The following ADAMTS20 variants were observed in gnomAD, a reference collection of about 807,000 sequenced individuals.
ADAMTS20 encodes the protein A disintegrin and metalloproteinase with thrombospondin motifs 20.
ADAMTS20 carries 225 observed loss-of-function variants against 260.1 expected under a neutral mutation model. The observed-to-expected ratio is 0.87, with a 90% CI of 0.78 to 0.97. ADAMTS20 has a LOEUF of 0.97. Among genes scored for constraint, ADAMTS20 ranks in the 50% least tolerant of loss-of-function variants. The pLI is 0.00. For synonymous variants in ADAMTS20, 802 were observed against 769.5 expected, an observed-to-expected ratio of 1.04 and a Z score of -0.70; for missense variants, 2,400 against 2,337.7, an observed-to-expected ratio of 1.03 and a Z score of -0.55.
At chr12:43,436,420 T>C (rs1941555999) in intron 18 of ADAMTS20, among the ~76,000 whole-genome samples, 1 of 152,150 alleles carries the variant, frequency 6.6e-6, no homozygotes, top group Non-Finnish European at 1.5e-5. Flanking sequence ...CTTTATATTT[T>C]CTAGTAGTCA....
chr12:43,515,572 T>A (rs1325824016), intron 3 of ADAMTS20, among the ~76,000 whole-genome samples: 1 of 152,208 alleles, frequency 6.6e-6, no homozygotes, highest in Non-Finnish European at 1.5e-5. Flanking sequence ...TAACCTTTTA[T>A]ATTTCCTTAA....
chr12:43,375,861 A>G (rs1001975494), intron 35 of ADAMTS20, among the ~76,000 whole-genome samples, 196 bp downstream of exon 35: 1 of 152,252 alleles, frequency 6.6e-6, no homozygotes, highest in African/African-American at 2.4e-5. Context: ...GTCAATATTA[A>G]CAATACATGT....
chr12:43,480,870 G>C (rs1007019133), intron 7 of ADAMTS20, among the ~76,000 whole-genome samples: 49 of 152,068 alleles, frequency 3.2e-4, no homozygotes, highest in African/African-American at 1.1e-3. Flanking sequence ...GTTTCAGTTA[G>C]ACAGGAGAAA....
rs187726890 is a variant in ADAMTS20 at position 43,381,395 on chromosome 12, A to T, written c.4797+2163T>A. Among the ~76,000 whole-genome samples, 706 of 152,248 alleles carry T rather than the reference A, an allele frequency of 4.6e-3. 3 individuals carry two copies. The highest frequency in any genetic ancestry group is 7.3e-3 in the Non-Finnish European group (499 of 68,008). The stretch of plus-strand genomic sequence containing the variant: ...CATCAAAGCATACTATTAAGAGAAA[A>T]GATAACCCACAGAATTGGAGAAAAT... On this transcript the variant is annotated intron_variant, in intron 31 of 38. Coordinates refer to ENST00000389420, the MANE Select transcript of ADAMTS20 (RefSeq NM_025003.5).
chr12:43,528,114 CT>C (rs1299512831), intron 3 of ADAMTS20, among the ~76,000 whole-genome samples: 1 of 151,736 alleles, frequency 6.6e-6, no homozygotes, highest in Non-Finnish European at 1.5e-5. Context: ...AAATAAAATA[CT>C]TAGAAATACA....
intron 7 of ADAMTS20, among the ~76,000 whole-genome samples, chr12:43,471,243 G>C (rs1401525459): frequency 1.3e-5 from 2 of 152,120 alleles, no homozygotes; most frequent in African/African-American, 4.8e-5. Context: ...CTGGAAAATC[G>C]GGTCGCTCCC....
chr12:43,446,933 T>G (rs1268384055), intron 14 of ADAMTS20, among the ~76,000 whole-genome samples: 1 of 151,850 alleles, frequency 6.6e-6, no homozygotes, highest in Non-Finnish European at 1.5e-5. Context: ...CTCCCAAGAC[T>G]GAAGGTGGAA....
intron 29 of ADAMTS20, among the ~76,000 whole-genome samples, chr12:43,395,242 G>T (rs1322963755): frequency 6.6e-6 from 1 of 152,152 alleles, no homozygotes; most frequent in Admixed American, 6.6e-5. Flanking sequence ...CAGTAGAAAT[G>T]TCACTGAATA....
chr12:43,505,550 T>C (rs1942829209), intron 3 of ADAMTS20, among the ~76,000 whole-genome samples: 1 of 152,088 alleles, frequency 6.6e-6, no homozygotes, highest in African/African-American at 2.4e-5. Flanking sequence ...GCACAATTAA[T>C]CATTAAAGAA....
intron 3 of ADAMTS20, among the ~76,000 whole-genome samples, chr12:43,508,033 T>C (rs757780681): frequency 2.1e-4 from 32 of 152,082 alleles, no homozygotes; most frequent in Non-Finnish European, 4.4e-5. Flanking sequence ...AAAATAATTA[T>C]TGGGTACTGG....
In ADAMTS20 at chr12:43,383,874, G is replaced by A. The variant is rs750500122; in HGVS notation, c.4556C>T (p.Pro1519Leu). ...VEEMCDQSTR[P>L]CSQRRCWSQD... The stretch of plus-strand genomic sequence containing the variant: ...ACTCCAACATCGCCTCTGAGAACAA[G>A]GTCGGGTGGACTGATCACACATTTC... The change falls in exon 30 of 39, where the codon CCT (proline) becomes CTT (leucine). Residue 1519 changes from proline (P) to leucine (L), a missense_variant. By Grantham distance (98) the Pro-to-Leu change is moderately conservative. Transcript: ENST00000389420. The A allele has an allele frequency of 1.9e-6, 3 of 1,613,902 alleles. No homozygotes were observed. The highest frequency in any genetic ancestry group is 8.5e-7 in the Non-Finnish European group (1 of 1,179,872).
intron 2 of ADAMTS20, among the ~76,000 whole-genome samples, chr12:43,536,683 G>T (rs1458675379): frequency 1.3e-5 from 2 of 152,184 alleles, no homozygotes; most frequent in Non-Finnish European, 2.9e-5. Flanking sequence ...AGATGAAAAA[G>T]TCTTGGCAGG....
At chr12:43,541,007 T>C (rs1369292556) in intron 2 of ADAMTS20, among the ~76,000 whole-genome samples, 1 of 152,170 alleles carries the variant, frequency 6.6e-6, no homozygotes, top group Non-Finnish European at 1.5e-5. Flanking sequence ...TCAAAATACA[T>C]AGCAAATACA....
intron 27 of ADAMTS20, 77 bp from the exon 28 acceptor site, chr12:43,425,767 T>C: frequency 1.0e-6 from 1 of 961,380 alleles, no homozygotes; most frequent in Non-Finnish European, 1.4e-6. Flanking sequence ...TGTTTAAACA[T>C]AATTAGTAAT....
At chr12:43,371,304 A>G (rs1429905436) in intron 36 of ADAMTS20, among the ~76,000 whole-genome samples, 1 of 152,036 alleles carries the variant, frequency 6.6e-6, no homozygotes, top group Non-Finnish European at 1.5e-5. Context: ...GTTCCTATAA[A>G]CCTCTTGAGA....
intron 31 of ADAMTS20, among the ~76,000 whole-genome samples, chr12:43,379,087 T>A (rs1295166450): frequency 6.6e-6 from 1 of 152,174 alleles, no homozygotes; most frequent in Non-Finnish European, 1.5e-5. Context: ...CAGAACAGGC[T>A]TGGATATCAT....
chr12:43,540,308 G>C (rs61925183), intron 2 of ADAMTS20, among the ~76,000 whole-genome samples: 14,209 of 152,080 alleles, frequency 0.093, 834 homozygotes, highest in Admixed American at 0.19. Flanking sequence ...AGAAACCATC[G>C]GTACCTCCTT....
rs1299065787 is a variant in ADAMTS20, at chr12:43,501,477, G to GCACACACACA, written c.867+674_867+675insTGTGTGTGTG. On this transcript the variant is annotated intron_variant, in intron 4 of 38. Coordinates refer to ENST00000389420, the MANE Select transcript of ADAMTS20 (RefSeq NM_025003.5). Reference sequence around the variant, plus strand: ...GAGGGGGATACGCGCGCGCGCGCGCGCGCGCACACACACACACACACACAC... The same window carrying GCACACACACA: ...GAGGGGGATACGCGCGCGCGCGCGCGCACACACACACGCGCACACACACACACACACACAC... Among the ~76,000 whole-genome samples, 104 of 62,260 alleles carry GCACACACACA rather than the reference G, an allele frequency of 1.7e-3. 1 individual carries two copies. Among genetic ancestry groups the GCACACACACA allele is most frequent in the Admixed American group, 5.6e-3 (33 of 5,920 alleles). The allele number at this position is 62,260 out of a possible 152,430, so 40.8% of individuals were successfully genotyped here.
intron 7 of ADAMTS20, among the ~76,000 whole-genome samples, chr12:43,483,512 C>T (rs2137416897): frequency 6.6e-6 from 1 of 152,262 alleles, no homozygotes; most frequent in African/African-American, 2.4e-5. Flanking sequence ...TTCAGGGTGA[C>T]AACATCCCCA....
Sources: allele counts gnomAD v4.1 joint callset (sites outside exome capture counted in the v4.1 genomes callset), GRCh38; gene constraint gnomAD v4.1.1; transcripts MANE v1.5; gene names NCBI Gene and HGNC (gene_info 2026-07-23, HGNC 2026-07-21).